Variants in EYS observed in about 807,000 individuals in gnomAD.
EYS encodes EGF-like photoreceptor maintenance factor, also known as protein eyes shut homolog.
EYS carries 250 observed loss-of-function variants against 282.1 expected under a neutral mutation model. The ratio of observed to expected loss-of-function variants is 0.89; its 90% CI spans 0.80 to 0.98. The LOEUF is 0.98. Among genes scored for constraint, EYS ranks in the 50% least tolerant of loss-of-function variants. The pLI is 0.00. For synonymous variants in EYS, 1,355 were observed against 1,282.9 expected (o/e 1.06, Z -1.20); for missense variants, 4,016 against 3,709.0 (o/e 1.08, Z -2.15).
At chr6:64,347,698 A>T (rs954538198) in intron 29 of EYS, among the ~76,000 whole-genome samples, 4 of 151,370 alleles carry the variant, frequency 2.6e-5, no homozygotes, top group African/African-American at 9.7e-5. Context: ...AAGCTCCAGC[A>T]CATTGGTTTA....
chr6:64,450,117 G>T (rs750690485), intron 26 of EYS, among the ~76,000 whole-genome samples: 1 of 151,754 alleles, frequency 6.6e-6, no homozygotes, highest in Non-Finnish European at 1.5e-5. Flanking sequence ...AACCCATCTC[G>T]CATGCAGAGA....
chr6:65,066,071 C>T (rs2150162694), intron 12 of EYS, among the ~76,000 whole-genome samples: 1 of 152,224 alleles, frequency 6.6e-6, no homozygotes, highest in South Asian at 2.1e-4. Flanking sequence ...GACATCATTG[C>T]TTGTTGATGG....
At chr6:64,440,861 A>C (rs1483828806) in intron 26 of EYS, among the ~76,000 whole-genome samples, 3 of 152,154 alleles carry the variant, frequency 2.0e-5, no homozygotes, top group Non-Finnish European at 4.4e-5. Flanking sequence ...AGTTCACATA[A>C]AATATGTATT....
chr6:64,353,474 C>T (rs1771716145), intron 29 of EYS, among the ~76,000 whole-genome samples: 1 of 151,584 alleles, frequency 6.6e-6, no homozygotes, highest in African/African-American at 2.4e-5. Flanking sequence ...CTTCCCATTA[C>T]TTGGTTGAAG....
chr6:63,951,940 A>G (rs532379652), intron 35 of EYS, among the ~76,000 whole-genome samples: 1 of 152,258 alleles, frequency 6.6e-6, no homozygotes, highest in South Asian at 2.1e-4. Flanking sequence ...GCATTTTATT[A>G]CCCAATCTGC....
intron 24 of EYS, among the ~76,000 whole-genome samples, chr6:64,602,453 T>C (rs1163881527): frequency 6.6e-6 from 1 of 152,060 alleles, no homozygotes; most frequent in Non-Finnish European, 1.5e-5. Flanking sequence ...ACAAGAGTCA[T>C]CAACCTTACT....
At chr6:65,669,816 T>C (rs1057055650) in intron 1 of EYS, among the ~76,000 whole-genome samples, 2 of 152,006 alleles carry the variant, frequency 1.3e-5, no homozygotes, top group African/African-American at 4.8e-5. Context: ...GAGTTAACTA[T>C]GGCTTTGTCA....
chr6:64,391,549 A>T (rs1390278301), intron 28 of EYS, among the ~76,000 whole-genome samples: 1 of 152,064 alleles, frequency 6.6e-6, no homozygotes, highest in Non-Finnish European at 1.5e-5. Flanking sequence ...AAGGAGAAAT[A>T]AAATACTTTA....
At chr6:64,844,849 G>A (rs1459299113) in intron 19 of EYS, among the ~76,000 whole-genome samples, 1 of 151,902 alleles carries the variant, frequency 6.6e-6, no homozygotes, top group South Asian at 2.1e-4. Context: ...CCATTATTTT[G>A]CTGTGATGTT....
At chr6:65,650,875 A>G (rs921241786) in intron 1 of EYS, among the ~76,000 whole-genome samples, 22 of 152,288 alleles carry the variant, frequency 1.4e-4, no homozygotes, top group Middle Eastern at 6.8e-3. Flanking sequence ...AAATGCAAAT[A>G]AAATATCTAA....
Position 65,057,694 on chromosome 6 carries a change from G to A in EYS, c.2057C>T (p.Ala686Val). Residue 686 changes from alanine to valine, a missense_variant, in exon 13 of 43, where the codon GCT (alanine) becomes GTT (valine). Physicochemically the swap from Ala to Val is moderately conservative, Grantham distance 64. Transcript: ENST00000503581. ...GGCTCCATTTTTGCAGGGATGTGAA[G>A]CACACTCATCTATATCAATTTCACA... ...TQCEIDIDEC[A>V]SHPCKNGATC... 2 of 1,550,638 alleles carry A rather than the reference G, an allele frequency of 1.3e-6. No individual in the cohort carries two copies. Among genetic ancestry groups the A allele is most frequent in the Non-Finnish European group, 1.7e-6 (2 of 1,146,272 alleles).
chr6:65,235,742 G>A (rs1766905590), intron 12 of EYS, among the ~76,000 whole-genome samples: 1 of 152,030 alleles, frequency 6.6e-6, no homozygotes, highest in South Asian at 2.1e-4. Flanking sequence ...TGAATTATGT[G>A]TGCACCTCTT....
chr6:65,157,595 T>C (rs1436737910), intron 12 of EYS, among the ~76,000 whole-genome samples: 3 of 150,700 alleles, frequency 2.0e-5, no homozygotes, highest in Admixed American at 1.3e-4. Context: ...ACTAGAAAAG[T>C]AGAATTTTTA....
intron 14 of EYS, among the ~76,000 whole-genome samples, chr6:64,970,056 C>A (rs576436509): frequency 6.6e-6 from 1 of 151,544 alleles, no homozygotes; most frequent in African/African-American, 2.4e-5. Flanking sequence ...CATTTATAAG[C>A]AGATTTTTTT....
At chr6:63,905,482 A>C (rs1259959733) in intron 35 of EYS, among the ~76,000 whole-genome samples, 2 of 151,612 alleles carry the variant, frequency 1.3e-5, no homozygotes, top group Non-Finnish European at 2.9e-5. Flanking sequence ...GGCGCCCGCC[A>C]CCACGCCCGG....
chr6:63,862,652 C>G (rs762812055), intron 36 of EYS, among the ~76,000 whole-genome samples: 1 of 152,132 alleles, frequency 6.6e-6, no homozygotes, highest in Non-Finnish European at 1.5e-5. Context: ...TGATTCATCT[C>G]TTAGTAATCA....
At chr6:65,588,374 C>A (rs1765125149) in intron 2 of EYS, among the ~76,000 whole-genome samples, 1 of 151,970 alleles carries the variant, frequency 6.6e-6, no homozygotes, top group South Asian at 2.1e-4. Flanking sequence ...TTAGAGGTAT[C>A]TCCAGATGTG....
At position 65,427,391 on chromosome 6, in the gene EYS, A is replaced by T. The variant is rs146374262; in HGVS notation, c.863-22024T>A. On this transcript the variant is annotated intron_variant, in intron 5 of 42. Coordinates refer to ENST00000503581, the MANE Select transcript of EYS (RefSeq NM_001142800.2). ...TGCATTTACACGTTTAAATTTTTCA[A>T]AATACAGATATGCATTGACTATCTC... 3.4e-3 allele frequency among the ~76,000 whole-genome samples: 499 copies of T among 147,968 alleles called. 4 individuals carry two copies. The highest frequency in any genetic ancestry group is 0.011 in the African/African-American group (444 of 41,466).
At chr6:65,336,889 C>G (rs914192605) in intron 10 of EYS, among the ~76,000 whole-genome samples, 1 of 151,430 alleles carries the variant, frequency 6.6e-6, no homozygotes, top group African/African-American at 2.4e-5. Flanking sequence ...TGCTTAAACA[C>G]AGGTATATAT....
Sources: gnomAD v4.1 joint callset for allele counts (sites outside exome capture counted in the v4.1 genomes callset) on GRCh38, gnomAD v4.1.1 for gene constraint, MANE v1.5 for transcripts, NCBI Gene and HGNC (gene_info 2026-07-23, HGNC 2026-07-21) for gene names.